DNM1L: variants seen among roughly 807,000 people sequenced by gnomAD.
DNM1L encodes dynamin 1L, also known as dynamin-1-like protein.
In DNM1L, 33 loss-of-function variants were observed where a neutral mutation model predicts 92.8. The observed-to-expected ratio is 0.36, with a 90% CI of 0.27 to 0.48. The LOEUF (loss-of-function observed/expected upper bound fraction) is 0.48. Among genes scored for constraint, DNM1L ranks in the 20% least tolerant of loss-of-function variants. DNM1L has a pLI of 0.99. For missense variants in DNM1L, 485 were observed against 888.8 expected, an observed-to-expected ratio of 0.55 and a Z score of 5.78; for synonymous variants, 284 against 305.0, an observed-to-expected ratio of 0.93 and a Z score of 0.72.
intron 2 of DNM1L, among the ~76,000 whole-genome samples, chr12:32,702,710 A>G (rs1463586574): frequency 6.6e-6 from 1 of 152,050 alleles, no homozygotes; most frequent in East Asian, 1.9e-4. Flanking sequence ...GGGAAAAAAA[A>G]CCTCATGAGC....
Position 32,722,472 on chromosome 12 carries a change from A to G in DNM1L, c.918A>G (p.Thr306=), listed in dbSNP as rs10844318. Residue 306 remains threonine, a synonymous_variant, in exon 9 of 20, where the codon ACA becomes ACG. Transcript: ENST00000549701. ...HIRDCLPELK[T]RINVLAAQYQ... ...GAGATTGTTTACCAGAGTTGAAAAC[A>G]AGAATAAATGTTCTAGCTGCTCAGT... 0.13 allele frequency: 217,343 copies of G among 1,612,406 alleles called. 15,139 individuals are homozygous for G. Among genetic ancestry groups the G allele is most frequent in the Middle Eastern group, 0.18 (943 of 5,338 alleles).
At chr12:32,702,990 A>C (rs1355216467) in intron 2 of DNM1L, among the ~76,000 whole-genome samples, 1 of 152,074 alleles carries the variant, frequency 6.6e-6, no homozygotes, top group Non-Finnish European at 1.5e-5. Context: ...TGATTTCATC[A>C]AATTTACCAA....
chr12:32,681,606 C>A (rs1270787475), intron 1 of DNM1L, among the ~76,000 whole-genome samples: 1 of 148,646 alleles, frequency 6.7e-6, no homozygotes, highest in Non-Finnish European at 1.5e-5. Flanking sequence ...GCCCCCCCGC[C>A]CCCGCCTTTT....
intron 13 of DNM1L, among the ~76,000 whole-genome samples, chr12:32,734,824 G>C (rs1326634552): frequency 6.6e-6 from 1 of 152,072 alleles, no homozygotes; most frequent in African/African-American, 2.4e-5. Flanking sequence ...AAAAACTGGG[G>C]AGCTTGAGGC....
intron 13 of DNM1L, among the ~76,000 whole-genome samples, chr12:32,734,857 T>C (rs893750674): frequency 6.6e-6 from 1 of 152,202 alleles, no homozygotes; most frequent in African/African-American, 2.4e-5. Context: ...GTTATTCCTT[T>C]GGTGCTTATT....
intron 16 of DNM1L, among the ~76,000 whole-genome samples, chr12:32,739,510 A>G (rs1955132209): frequency 6.6e-6 from 1 of 152,244 alleles, no homozygotes; most frequent in African/African-American, 2.4e-5. Context: ...CAGCCTAAGA[A>G]TAGCAAATGT....
rs1475094348 is a variant in DNM1L, at chr12:32,744,164, T to A, written c.*754T>A. 3.9e-5 allele frequency: 6 copies of A among 152,384 alleles called. No individual in the cohort carries two copies. The highest frequency in any genetic ancestry group is 1.4e-4 in the African/African-American group (6 of 41,578). 9.4% of individuals were successfully genotyped at this position (152,384 alleles called of 1,614,324 possible). A position where few individuals can be genotyped will look rare whatever the true frequency, so the allele number is the denominator to read the frequency against. On this transcript the variant is annotated 3_prime_UTR_variant, in exon 20 of 20. Coordinates refer to ENST00000549701, the MANE Select transcript of DNM1L (RefSeq NM_012062.5). ...CCCTTGATTATCTAGAAAGACTTGG[T>A]AATGATGGTCAGTTCCTTTTAGATT...
chr12:32,692,994 T>A (rs1047927312), intron 1 of DNM1L: 1 of 152,262 alleles, frequency 6.6e-6, no homozygotes, highest in Non-Finnish European at 1.5e-5. Flanking sequence ...TAGCTGTTTT[T>A]GTAAACAGTG....
chr12:32,733,096 G>A (rs879566906), intron 12 of DNM1L, among the ~76,000 whole-genome samples: 7 of 151,896 alleles, frequency 4.6e-5, no homozygotes, highest in Non-Finnish European at 8.8e-5. Context: ...GCGAAACTCC[G>A]TCTCAAACAA....
At chr12:32,737,835 T>C in intron 14 of DNM1L, 30 bp from the exon 15 acceptor site, 1 of 1,598,576 alleles carries the variant, frequency 6.3e-7, no homozygotes, top group Non-Finnish European at 8.6e-7. Context: ...ATCCTTGATT[T>C]TTTTTCCCCC....
intron 14 of DNM1L, 24 bp from the exon 15 acceptor site, chr12:32,737,841 C>G (rs1339023370): frequency 1.9e-6 from 3 of 1,592,538 alleles, no homozygotes; most frequent in African/African-American, 1.3e-5. Flanking sequence ...GATTTTTTTT[C>G]CCCCCTGGAT....
chr12:32,696,591 C>T (rs960299968), intron 1 of DNM1L, among the ~76,000 whole-genome samples: 2 of 145,522 alleles, frequency 1.4e-5, no homozygotes, highest in African/African-American at 5.3e-5. Flanking sequence ...CAGAGCTAGA[C>T]AGTGTCTCTA....
At chr12:32,737,753 T>C in intron 14 of DNM1L, 112 bp from the exon 15 acceptor site, 1 of 817,320 alleles carries the variant, frequency 1.2e-6, no homozygotes, top group South Asian at 1.4e-5. Context: ...ATTTTCATCT[T>C]TCATGTTATT....
chr12:32,740,265 G>GTAA, intron 17 of DNM1L, 25 bp downstream of exon 17: 1 of 1,614,194 alleles, frequency 6.2e-7, no homozygotes, highest in Non-Finnish European at 8.5e-7. Context: ...TTTGGTTTAG[G>GTAA]TAATAAGGTA....
At chr12:32,714,925 G>A (rs1389663867) in intron 6 of DNM1L, among the ~76,000 whole-genome samples, 2 of 151,872 alleles carry the variant, frequency 1.3e-5, no homozygotes. Context: ...GCTTGAGCCC[G>A]GGAGGCAGAG....
chr12:32,740,100 C>T lies in DNM1L; in HGVS notation c.1744C>T (p.Gln582Ter), dbSNP rs780712126. The stretch of plus-strand genomic sequence containing the variant: ...AGGTGGTGGGGTTGGAGATGGTGTT[C>T]AAGAACCAACCACAGGCAACTGGAG... ...SGGGGVGDGVQEPTTGNWRGM... is the reference protein window; with the variant it reads ...SGGGGVGDGV Residue 582 changes from glutamine to a stop codon, truncating the protein, a stop_gained, in exon 17 of 20, where the codon CAA (glutamine) becomes TAA (stop). Transcript: ENST00000549701. LOFTEE classifies it high-confidence loss of function. The T allele has an allele frequency of 6.2e-7, 1 of 1,614,078 alleles. No homozygotes were observed. The highest frequency in any genetic ancestry group is 8.5e-7 in the Non-Finnish European group (1 of 1,180,000).
At chr12:32,736,680 G>C (rs548166840) in intron 13 of DNM1L, among the ~76,000 whole-genome samples, 4 of 152,330 alleles carry the variant, frequency 2.6e-5, no homozygotes, top group African/African-American at 9.6e-5. Flanking sequence ...TCAGGTTAGA[G>C]TGACTTTTAA....
In DNM1L at chr12:32,686,178, G is replaced by A. The variant is rs139768783; in HGVS notation, c.102+6713G>A. On this transcript the variant is annotated intron_variant, in intron 1 of 19. Coordinates refer to ENST00000549701, the MANE Select transcript of DNM1L (RefSeq NM_012062.5). The stretch of plus-strand genomic sequence containing the variant: ...TGATTCTCCTGCCTCAGCCTCTCAA[G>A]TAGCTGGGATTACAAGCATGTGCCA... 5.9e-3 allele frequency among the ~76,000 whole-genome samples: 881 copies of A among 149,864 alleles called. 2 individuals carry two copies. The highest frequency in any genetic ancestry group is 7.5e-3 in the Non-Finnish European group (508 of 67,814).
Position 32,744,885 on chromosome 12 carries a change from T to A in DNM1L, c.*1475T>A, listed in dbSNP as rs1338236283. The stretch of plus-strand genomic sequence containing the variant: ...TATATTATAAATTTTAAGATGTACT[T>A]AGAAATCCTTAAGACATCTAGCCCC... On this transcript the variant is annotated 3_prime_UTR_variant, in exon 20 of 20. Transcript: ENST00000549701. The A allele has an allele frequency of 2.0e-6, 1 of 506,908 alleles. No homozygotes were observed. The highest frequency in any genetic ancestry group is 1.9e-5 in the African/African-American group (1 of 51,320). The allele number at this position is 506,908 out of a possible 1,614,324, so 31.4% of individuals were successfully genotyped here. A position where few individuals can be genotyped will look rare whatever the true frequency, so the allele number is the denominator to read the frequency against.
Sources: gnomAD v4.1 joint callset for allele counts (sites outside exome capture counted in the v4.1 genomes callset) on GRCh38, gnomAD v4.1.1 for gene constraint, MANE v1.5 for transcripts, NCBI Gene and HGNC (gene_info 2026-07-23, HGNC 2026-07-21) for gene names.